The following TPRG1 variants were observed in gnomAD, a reference collection of about 807,000 sequenced individuals.
TPRG1 encodes the protein tumor protein p63-regulated gene 1 protein.
In TPRG1, 29 loss-of-function variants were observed where a neutral mutation model predicts 29.3. That is an observed-to-expected ratio of 0.99 (90% CI 0.74 to 1.35). The LOEUF is 1.35. Ranked by LOEUF, TPRG1 falls within the 40% of genes most tolerant of loss-of-function variation. TPRG1 has a pLI of 0.00. For synonymous variants in TPRG1, 130 were observed against 116.8 expected, an observed-to-expected ratio of 1.11 and a Z score of -0.73; for missense variants, 327 against 335.0, an observed-to-expected ratio of 0.98 and a Z score of 0.19.
At position 189,320,878 on chromosome 3, in the gene TPRG1, G is replaced by A; in HGVS notation, c.*58G>A. The A allele has an allele frequency of 1.5e-6, 2 of 1,338,874 alleles. No homozygotes were observed. The highest frequency in any genetic ancestry group is 2.0e-6 in the Non-Finnish European group (2 of 1,007,714). The allele number at this position is 1,338,874 out of a possible 1,614,324, so 82.9% of individuals were successfully genotyped here. On this transcript the variant is annotated 3_prime_UTR_variant, in exon 6 of 6. Transcript: ENST00000345063. ...CAGATATGTCACTTTGAAAATTCCA[G>A]TTTGACCCACGCTATTTTTGGACTG...
intron 4 of TPRG1, among the ~76,000 whole-genome samples, chr3:189,035,052 G>A (rs967366819): frequency 2.6e-5 from 4 of 151,958 alleles, no homozygotes; most frequent in Admixed American, 1.3e-4. Context: ...ACAAGGCTAC[G>A]GTAACAAAAC....
intron 3 of TPRG1, among the ~76,000 whole-genome samples, chr3:189,236,060 AGG>A (rs2108928640): frequency 6.6e-6 from 1 of 152,318 alleles, no homozygotes; most frequent in Non-Finnish European, 1.5e-5. Flanking sequence ...ATGAGTTCTT[AGG>A]GGAGAAAGTG....
At chr3:189,176,978 CCTT>C (rs777167379) in intron 1 of TPRG1, among the ~76,000 whole-genome samples, 41 of 152,254 alleles carry the variant, frequency 2.7e-4, no homozygotes, top group Middle Eastern at 3.4e-3. Context: ...TGAAAGGTAT[CCTT>C]CTGTCTGTGT....
chr3:189,023,137 T>C (rs553814468), intron 3 of TPRG1, among the ~76,000 whole-genome samples: 15 of 152,300 alleles, frequency 9.8e-5, no homozygotes, highest in Admixed American at 4.6e-4. Flanking sequence ...TGGCACTCCC[T>C]AGTGAGATGA....
At chr3:189,234,127 C>T (rs1253717161) in intron 3 of TPRG1, among the ~76,000 whole-genome samples, 2 of 152,180 alleles carry the variant, frequency 1.3e-5, no homozygotes, top group African/African-American at 4.8e-5. Context: ...GAGCCTCCCA[C>T]CTCAACCTCT....
chr3:189,284,959 A>G lies in TPRG1; in HGVS notation c.480-25427A>G, dbSNP rs1364904332. 2.0e-5 allele frequency among the ~76,000 whole-genome samples: 3 copies of G among 152,204 alleles called. No homozygotes were observed. In the East Asian group the frequency reaches 5.8e-4, roughly 29 times the overall value. On this transcript the variant is annotated intron_variant, in intron 4 of 5. Coordinates refer to ENST00000345063, the MANE Select transcript of TPRG1 (RefSeq NM_198485.4). ...CAAATGGGATCTAATTAAACTAAAG[A>G]GCTTCTGCACAGCAAAAGAAACTAC...
At chr3:189,267,490 G>C (rs1234400328) in intron 4 of TPRG1, 1 of 152,208 alleles carries the variant, frequency 6.6e-6, no homozygotes, top group Non-Finnish European at 1.5e-5. Context: ...TATTGTGAGA[G>C]CATAGACAAG....
At chr3:188,998,097 TA>T (rs1560385383) in intron 1 of TPRG1, among the ~76,000 whole-genome samples, 1 of 151,878 alleles carries the variant, frequency 6.6e-6, no homozygotes, top group Non-Finnish European at 1.5e-5. Flanking sequence ...ATTTGGTGGT[TA>T]AAAAAAAGAA....
At chr3:189,275,242 C>T (rs189139709) in intron 4 of TPRG1, among the ~76,000 whole-genome samples, 221 of 152,152 alleles carry the variant, frequency 1.5e-3, no homozygotes, top group Middle Eastern at 3.4e-3. Context: ...AATAGAATAA[C>T]CATGCAATGA....
intron 5 of TPRG1, among the ~76,000 whole-genome samples, chr3:189,312,318 C>CA (rs1463647502): frequency 6.6e-6 from 1 of 151,502 alleles, no homozygotes; most frequent in Admixed American, 6.6e-5. Context: ...TCTCCTGCCT[C>CA]AGCCTCCGGA....
At chr3:189,201,238 T>G (rs989473482) in intron 1 of TPRG1, among the ~76,000 whole-genome samples, 1 of 152,212 alleles carries the variant, frequency 6.6e-6, no homozygotes, top group Non-Finnish European at 1.5e-5. Context: ...GATAGATGAG[T>G]GCTGAACAGC....
chr3:189,275,241 A>G (rs1377697807), intron 4 of TPRG1, among the ~76,000 whole-genome samples: 2 of 152,110 alleles, frequency 1.3e-5, no homozygotes, highest in African/African-American at 4.8e-5. Flanking sequence ...TAATAGAATA[A>G]CCATGCAATG....
intron 4 of TPRG1, among the ~76,000 whole-genome samples, chr3:189,247,500 G>GT (rs75299810): frequency 0.11 from 16,002 of 151,514 alleles, 974 homozygotes; most frequent in East Asian, 0.16. Context: ...ATATTTTCTT[G>GT]TTTTTTTGGT....
At chr3:189,255,855 G>T (rs1456683025) in intron 4 of TPRG1, among the ~76,000 whole-genome samples, 1 of 151,984 alleles carries the variant, frequency 6.6e-6, no homozygotes, top group Non-Finnish European at 1.5e-5. Flanking sequence ...TATTTCTGTG[G>T]GATCAGTGGT....
At chr3:189,238,591 T>A in intron 3 of TPRG1, 142 bp from the exon 4 acceptor site, 1 of 573,194 alleles carries the variant, frequency 1.7e-6, no homozygotes, top group Non-Finnish European at 3.0e-6. Context: ...GGGGTAGTGG[T>A]GTGGTATTAG....
At chr3:189,087,424 A>G (rs1469849905) in intron 4 of TPRG1, among the ~76,000 whole-genome samples, 1 of 152,114 alleles carries the variant, frequency 6.6e-6, no homozygotes, top group East Asian at 1.9e-4. Flanking sequence ...TCAGATGAGT[A>G]GGTTGCAAAA....
chr3:189,278,272 A>T (rs569950401), intron 4 of TPRG1, among the ~76,000 whole-genome samples: 1 of 152,278 alleles, frequency 6.6e-6, no homozygotes, highest in South Asian at 2.1e-4. Flanking sequence ...TTATCAGGTG[A>T]ATCTTCCCAA....
chr3:189,010,500 T>C (rs1712540702), intron 3 of TPRG1, among the ~76,000 whole-genome samples: 1 of 152,214 alleles, frequency 6.6e-6, no homozygotes, highest in Non-Finnish European at 1.5e-5. Flanking sequence ...GGTATCTCAT[T>C]GTGGTTTTTG....
chr3:189,239,689 GA>G (rs1740198912), intron 4 of TPRG1, among the ~76,000 whole-genome samples: 1 of 152,144 alleles, frequency 6.6e-6, no homozygotes, highest in South Asian at 2.1e-4. Flanking sequence ...ATGCCTCTGG[GA>G]ATTGAAATTA....
Sources: allele counts gnomAD v4.1 joint callset (sites outside exome capture counted in the v4.1 genomes callset), GRCh38; gene constraint gnomAD v4.1.1; transcripts MANE v1.5; gene names NCBI Gene and HGNC (gene_info 2026-07-23, HGNC 2026-07-21).